The following APBA2 variants were observed in gnomAD, a reference collection of about 807,000 sequenced individuals.
APBA2 encodes amyloid beta precursor protein binding family A member 2.
APBA2 carries 30 observed loss-of-function variants against 75.0 expected under a neutral mutation model. That is an observed-to-expected ratio of 0.40 (90% CI 0.30 to 0.54). APBA2 has a LOEUF of 0.54. Ranked by LOEUF, APBA2 falls within the 20% of genes least tolerant of loss-of-function variation. The probability of loss-of-function intolerance (pLI) is 0.49; values close to 1 mark genes in which losing one functional copy is unlikely to be tolerated. For missense variants in APBA2, 801 were observed against 1,016.1 expected (o/e 0.79, Z 2.88); for synonymous variants, 444 against 409.6 (o/e 1.08, Z -1.01).
chr15:28,924,162 G>A (rs2034131855), intron 2 of APBA2, among the ~76,000 whole-genome samples: 1 of 152,094 alleles, frequency 6.6e-6, no homozygotes, highest in Non-Finnish European at 1.5e-5. Context: ...TGGTGCTGTT[G>A]CTTTCCCTCT....
chr15:29,074,355 T>A lies in APBA2; in HGVS notation c.952-566T>A, dbSNP rs1415493248. Among the ~76,000 whole-genome samples, 8 of 152,310 alleles carry A rather than the reference T, an allele frequency of 5.3e-5. No homozygotes were observed. In the East Asian group the frequency reaches 1.3e-3, roughly 26 times the overall value. ...CCATGTGCTTCAATGTGGACGACCCTTCAGGACATTTTGCTGAGTGCAATA... is the reference window on the plus strand; with the variant it reads ...CCATGTGCTTCAATGTGGACGACCCATCAGGACATTTTGCTGAGTGCAATA... On this transcript the variant is annotated intron_variant, in intron 4 of 14. Coordinates refer to ENST00000683413, the MANE Select transcript of APBA2 (RefSeq NM_001353788.2).
At chr15:28,945,673 C>A (rs1371173327) in intron 2 of APBA2, among the ~76,000 whole-genome samples, 1 of 152,006 alleles carries the variant, frequency 6.6e-6, no homozygotes, top group Non-Finnish European at 1.5e-5. Flanking sequence ...CGCCTGCCCC[C>A]CGCCTGGCTA....
intron 8 of APBA2, among the ~76,000 whole-genome samples, chr15:29,097,667 T>G (rs1026796370): frequency 6.6e-6 from 1 of 152,236 alleles, no homozygotes; most frequent in Non-Finnish European, 1.5e-5. Flanking sequence ...ATTTTTGTAA[T>G]GAGAACACTT....
At chr15:28,960,551 C>T (rs528835041) in intron 2 of APBA2, among the ~76,000 whole-genome samples, 6 of 152,050 alleles carry the variant, frequency 3.9e-5, no homozygotes, top group Admixed American at 6.5e-5. Context: ...TGGGTGGTCA[C>T]ACATAATGCT....
chr15:29,083,587 A>G (rs768582714), intron 6 of APBA2, among the ~76,000 whole-genome samples: 12 of 152,006 alleles, frequency 7.9e-5, no homozygotes, highest in East Asian at 7.7e-4. Context: ...CTGGAGTGCA[A>G]TGGCGCAATC....
In APBA2 at chr15:28,886,006, CG is replaced by C. The variant is rs2031684081; in HGVS notation, c.-473del. 1 of 150,126 alleles carries C rather than the reference CG, an allele frequency of 6.7e-6. No homozygotes were observed. The highest frequency in any genetic ancestry group is 2.4e-5 in the African/African-American group (1 of 41,312). The allele number at this position is 150,126 out of a possible 1,614,324, so 9.3% of individuals were successfully genotyped here. ...CCGGCGCGGGTGAGGCGGAAGCGGC[CG>C]GGGCGGGGGCGCAGGCCCGGCAGCC... is the stretch of plus-strand genomic sequence containing the variant. On this transcript the variant is annotated 5_prime_UTR_variant, in exon 1 of 15. Coordinates refer to ENST00000683413, the MANE Select transcript of APBA2 (RefSeq NM_001353788.2).
intron 1 of APBA2, among the ~76,000 whole-genome samples, chr15:28,913,985 G>T (rs1437485401): frequency 6.6e-6 from 1 of 152,180 alleles, no homozygotes; most frequent in Non-Finnish European, 1.5e-5. Flanking sequence ...TGGGGCCCTG[G>T]ATAATTATGC....
intron 1 of APBA2, among the ~76,000 whole-genome samples, chr15:28,892,345 G>A (rs1257316231): frequency 6.6e-6 from 1 of 152,198 alleles, no homozygotes; most frequent in Non-Finnish European, 1.5e-5. Context: ...AAGGTGCTGG[G>A]ATTACAGGCG....
At chr15:29,099,623 C>T (rs929214169) in intron 9 of APBA2, among the ~76,000 whole-genome samples, 5 of 152,324 alleles carry the variant, frequency 3.3e-5, no homozygotes, top group African/African-American at 7.2e-5. Flanking sequence ...GTTGTCAGTT[C>T]GGGTGCTGGG....
chr15:28,917,897 G>A (rs909260852), intron 1 of APBA2, among the ~76,000 whole-genome samples: 15 of 152,118 alleles, frequency 9.9e-5, no homozygotes, highest in East Asian at 3.9e-4. Flanking sequence ...TGGTCTCTGG[G>A]GAGCAGCACT....
At chr15:29,107,774 A>AATTGCGTCCTC (rs2044506172) in intron 12 of APBA2, among the ~76,000 whole-genome samples, 2 of 152,104 alleles carry the variant, frequency 1.3e-5, no homozygotes, top group African/African-American at 2.4e-5. Context: ...ACCCGCTGAC[A>AATTGCGTCCTC]ATTGCGTCCT....
intron 2 of APBA2, among the ~76,000 whole-genome samples, chr15:28,926,842 A>ACTCT (rs200294232): frequency 1.4e-5 from 2 of 140,812 alleles, no homozygotes; most frequent in Non-Finnish European, 3.0e-5. Context: ...ATTTCACTCC[A>ACTCT]CTCTCTCTCT....
chr15:29,051,796 C>T (rs1566947314), intron 3 of APBA2, among the ~76,000 whole-genome samples: 2 of 152,062 alleles, frequency 1.3e-5, no homozygotes, highest in Non-Finnish European at 2.9e-5. Context: ...TACAGGAAGG[C>T]AAGATGAGAG....
intron 2 of APBA2, among the ~76,000 whole-genome samples, chr15:28,969,545 TAGA>T (rs1221094258): frequency 2.6e-5 from 4 of 152,126 alleles, no homozygotes; most frequent in Admixed American, 2.6e-4. Flanking sequence ...AGTGTAAAGA[TAGA>T]AGGACACACA....
chr15:28,885,986 G>A lies in APBA2; in HGVS notation c.-497G>A, dbSNP rs1484648465. ...GTTTTCCGGCCCCAGTGTGCCCGGC[G>A]CGGGTGAGGCGGAAGCGGCCGGGGC... On this transcript the variant is annotated 5_prime_UTR_variant, in exon 1 of 15. Transcript: ENST00000683413. 1 of 150,986 alleles carries A rather than the reference G, an allele frequency of 6.6e-6. No homozygotes were observed. The highest frequency in any genetic ancestry group is 1.5e-5 in the Non-Finnish European group (1 of 67,706). 9.4% of individuals were successfully genotyped at this position (150,986 alleles called of 1,614,324 possible).
chr15:29,080,867 T>G (rs2152931967), intron 6 of APBA2, among the ~76,000 whole-genome samples: 1 of 152,346 alleles, frequency 6.6e-6, no homozygotes, highest in Non-Finnish European at 1.5e-5. Flanking sequence ...CTTACTCTGC[T>G]TTTTGTACTT....
intron 6 of APBA2, 149 bp from the exon 7 acceptor site, chr15:29,092,926 C>T (rs977513631): frequency 6.8e-6 from 7 of 1,032,710 alleles, no homozygotes; most frequent in African/African-American, 4.7e-5. Flanking sequence ...ACCGGCCGCC[C>T]GTGGCTGGCT....
chr15:28,935,006 A>G (rs8038573), intron 2 of APBA2, among the ~76,000 whole-genome samples: 215 of 152,326 alleles, frequency 1.4e-3, no homozygotes, highest in African/African-American at 5.1e-3. Context: ...CATGGTGACT[A>G]TAATCCATGA....
intron 2 of APBA2, among the ~76,000 whole-genome samples, chr15:28,930,326 A>G (rs886437852): frequency 6.6e-6 from 1 of 152,106 alleles, no homozygotes; most frequent in African/African-American, 2.4e-5. Flanking sequence ...GATAGACATG[A>G]GCATCTTCAC....
Sources: allele counts gnomAD v4.1 joint callset (sites outside exome capture counted in the v4.1 genomes callset), GRCh38; gene constraint gnomAD v4.1.1; transcripts MANE v1.5; gene names NCBI Gene and HGNC (gene_info 2026-07-23, HGNC 2026-07-21).